Variants in KCTD1 observed in about 807,000 individuals in gnomAD.
The protein encoded by KCTD1 is potassium channel tetramerization domain containing 1, also known as BTB/POZ domain-containing protein KCTD1.
Under a neutral mutation model 66.0 loss-of-function variants are expected in KCTD1, and 24 were observed. The observed-to-expected ratio is 0.36, with a 90% CI of 0.26 to 0.51. KCTD1 has a LOEUF of 0.51. KCTD1 is among the 20% of genes least tolerant of loss of function. KCTD1 has a pLI of 0.95. For synonymous variants in KCTD1, 511 were observed against 517.2 expected (o/e 0.99, Z 0.16); for missense variants, 943 against 1,205.2 (o/e 0.78, Z 3.22).
At chr18:26,514,430 C>CTCAGCCTG (rs1445191808) in intron 1 of KCTD1, among the ~76,000 whole-genome samples, 2 of 151,350 alleles carry the variant, frequency 1.3e-5, no homozygotes, top group Admixed American at 1.3e-4. Context: ...TCTCAGCCTA[C>CTCAGCCTG]AGTCTGTGAC....
chr18:26,631,863 A>C (rs1010402268), upstream of KCTD1, among the ~76,000 whole-genome samples: 2 of 150,102 alleles, frequency 1.3e-5, no homozygotes, highest in African/African-American at 4.9e-5. Flanking sequence ...CCTGGCTAAC[A>C]TGGTGAAACC....
intron 1 of KCTD1, among the ~76,000 whole-genome samples, chr18:26,576,752 T>A (rs912145907): frequency 6.6e-6 from 1 of 152,238 alleles, no homozygotes; most frequent in African/African-American, 2.4e-5. Context: ...CATTTCTACT[T>A]AATATATAAC....
chr18:26,546,591 A>G, intron 1 of KCTD1, 137 bp downstream of exon 1: 1 of 1,021,568 alleles, frequency 9.8e-7, no homozygotes. Context: ...GTTAACTTCT[A>G]AGGGTGAAAC....
At chr18:26,598,357 G>A (rs1040654865) in intron 1 of KCTD1, among the ~76,000 whole-genome samples, 2 of 152,000 alleles carry the variant, frequency 1.3e-5, no homozygotes, top group African/African-American at 4.8e-5. Flanking sequence ...ATTAGCTGAT[G>A]GACACTGAGA....
At chr18:26,643,797 C>A (rs1444655695), upstream of KCTD1, among the ~76,000 whole-genome samples, 1 of 152,156 alleles carries the variant, frequency 6.6e-6, no homozygotes, top group Non-Finnish European at 1.5e-5. Flanking sequence ...CCTGTCTCTA[C>A]TAAAAATACA....
chr18:26,490,907 C>A (rs1051709662), intron 2 of KCTD1, among the ~76,000 whole-genome samples: 1 of 151,918 alleles, frequency 6.6e-6, no homozygotes, highest in African/African-American at 2.4e-5. Context: ...TGCATGCTAC[C>A]ATGCCCAGCT....
chr18:26,619,459 G>A (rs913750974), intron 1 of KCTD1, among the ~76,000 whole-genome samples: 1 of 152,182 alleles, frequency 6.6e-6, no homozygotes, highest in Admixed American at 6.5e-5. Flanking sequence ...GTTTGTGCAG[G>A]TGATATAGAC....
chr18:26,627,457 C>T (rs1176623585), intron 1 of KCTD1, among the ~76,000 whole-genome samples: 1 of 152,120 alleles, frequency 6.6e-6, no homozygotes, highest in East Asian at 1.9e-4. Context: ...CAAGCATCAG[C>T]ATTGTCATAT....
intron 1 of KCTD1, among the ~76,000 whole-genome samples, chr18:26,636,374 C>T (rs573852040): frequency 1.3e-5 from 2 of 152,232 alleles, no homozygotes; most frequent in South Asian, 2.1e-4. Flanking sequence ...TATTGCCCTT[C>T]GACCTGAGCA....
At chr18:26,643,688 T>A (rs2339192), upstream of KCTD1, among the ~76,000 whole-genome samples, 3 of 151,864 alleles carry the variant, frequency 2.0e-5, no homozygotes, top group Non-Finnish European at 4.4e-5. Flanking sequence ...GCTGGCCGGG[T>A]GCGGTGGCTC....
intron 1 of KCTD1, among the ~76,000 whole-genome samples, chr18:26,623,018 A>G (rs540805561): frequency 6.6e-6 from 1 of 152,278 alleles, no homozygotes; most frequent in East Asian, 1.9e-4. Flanking sequence ...TCTGGTTAAT[A>G]TGTGTTGAAC....
At chr18:26,537,305 C>G (rs908086374) in intron 1 of KCTD1, among the ~76,000 whole-genome samples, 2 of 152,038 alleles carry the variant, frequency 1.3e-5, no homozygotes, top group Non-Finnish European at 2.9e-5. Context: ...AAGAATATCA[C>G]AAAATAGAAG....
At chr18:26,581,088 A>C (rs1400571487) in intron 1 of KCTD1, 1 of 152,216 alleles carries the variant, frequency 6.6e-6, no homozygotes, top group Non-Finnish European at 1.5e-5. Context: ...TTGGAAAAAG[A>C]ATACTATACA....
intron 1 of KCTD1, among the ~76,000 whole-genome samples, chr18:26,564,797 G>T (rs1034162504): frequency 1.4e-4 from 21 of 151,944 alleles, no homozygotes; most frequent in African/African-American, 4.8e-4. Context: ...GCCGAGGCAG[G>T]AGAATCGCTT....
upstream of KCTD1, among the ~76,000 whole-genome samples, chr18:26,633,770 G>T (rs962995664): frequency 6.6e-6 from 1 of 152,150 alleles, no homozygotes; most frequent in Non-Finnish European, 1.5e-5. Flanking sequence ...ATTTACCATC[G>T]TTAGGGAAAT....
chr18:26,574,458 C>A (rs1986179368), intron 1 of KCTD1, among the ~76,000 whole-genome samples: 1 of 152,308 alleles, frequency 6.6e-6, no homozygotes, highest in Admixed American at 6.5e-5. Flanking sequence ...TTCAAACACA[C>A]AAAAAGTAAT....
rs547792819 is a variant in KCTD1, at chr18:26,555,151, C to T, written c.-15-53901G>A. On this transcript the variant is annotated intron_variant, in intron 1 of 4. Coordinates refer to the KCTD1 transcript ENST00000317932. Reference sequence around the variant, plus strand: ...TTTTAAATAATGGAAGAACTACTTACAATGGTCTCACAATCTAAAATATTC... The same window carrying T: ...TTTTAAATAATGGAAGAACTACTTATAATGGTCTCACAATCTAAAATATTC... 2.6e-5 allele frequency among the ~76,000 whole-genome samples: 4 copies of T among 152,280 alleles called. No homozygotes were observed. The East Asian group carries it at 5.8e-4, about 22-fold the overall frequency.
chr18:26,532,017 T>C, intron 1 of KCTD1, among the ~76,000 whole-genome samples: 1 of 152,046 alleles, frequency 6.6e-6, no homozygotes. Flanking sequence ...TGGAGAGTGG[T>C]AGTTGGAAGG....
chr18:26,533,103 T>G (rs1324056420), intron 1 of KCTD1, among the ~76,000 whole-genome samples: 1 of 152,204 alleles, frequency 6.6e-6, no homozygotes, highest in Non-Finnish European at 1.5e-5. Context: ...TAGAGGACCT[T>G]GAGTACTTAC....
Sources: allele counts gnomAD v4.1 joint callset (sites outside exome capture counted in the v4.1 genomes callset), GRCh38; gene constraint gnomAD v4.1.1; transcripts MANE v1.5; gene names NCBI Gene and HGNC (gene_info 2026-07-23, HGNC 2026-07-21).